Variants in CACNA1D observed in about 807,000 individuals in gnomAD.
The protein encoded by CACNA1D is voltage-dependent L-type calcium channel subunit alpha-1D.
Under a neutral mutation model 257.1 loss-of-function variants are expected in CACNA1D, and 55 were observed. The observed-to-expected ratio is 0.21, with a 90% CI of 0.17 to 0.27. The LOEUF (loss-of-function observed/expected upper bound fraction) is 0.27. Among genes scored for constraint, CACNA1D ranks in the 10% least tolerant of loss-of-function variants. The pLI, the probability that CACNA1D is intolerant of heterozygous loss-of-function variation, is 1.00. For synonymous variants in CACNA1D, 980 were observed against 1,014.9 expected (o/e 0.97, Z 0.65); for missense variants, 1,876 against 2,784.0 (o/e 0.67, Z 7.34).
At chr3:53,682,119 A>C (rs9856454) in intron 8 of CACNA1D, among the ~76,000 whole-genome samples, 2 of 152,134 alleles carry the variant, frequency 1.3e-5, no homozygotes, top group African/African-American at 4.8e-5. Flanking sequence ...GTGATATTCA[A>C]ATTTACATTT....
At chr3:53,690,805 C>T (rs2094512654) in intron 8 of CACNA1D, among the ~76,000 whole-genome samples, 1 of 152,216 alleles carries the variant, frequency 6.6e-6, no homozygotes. Context: ...CAGCCTCGAG[C>T]TTATTCTGGC....
rs552542815 is a variant in CACNA1D, at chr3:53,716,943, C to T, written c.1391-1358C>T. 2.6e-5 allele frequency among the ~76,000 whole-genome samples: 4 copies of T among 152,322 alleles called. No individual in the cohort carries two copies. In the South Asian group the frequency reaches 6.2e-4, roughly 24 times the overall value. The stretch of plus-strand genomic sequence containing the variant: ...GAAGTCTGCTATGAGCAAGGCGGGC[C>T]GAACACAGCCCCCTACGCGAGCTGC... On this transcript the variant is annotated intron_variant, in intron 9 of 47. Coordinates refer to ENST00000350061, the MANE Select transcript of CACNA1D (RefSeq NM_001128840.3).
intron 3 of CACNA1D, among the ~76,000 whole-genome samples, chr3:53,555,059 T>A (rs1170421685): frequency 6.6e-6 from 1 of 152,196 alleles, no homozygotes; most frequent in East Asian, 1.9e-4. Context: ...AGAATGAAGG[T>A]GAAAACTTGT....
At chr3:53,618,876 C>T (rs143744925) in intron 3 of CACNA1D, among the ~76,000 whole-genome samples, 10 of 152,270 alleles carry the variant, frequency 6.6e-5, no homozygotes, top group Non-Finnish European at 8.8e-5. Context: ...TGTGTGACCT[C>T]GGGCAAGTCA....
intron 4 of CACNA1D, among the ~76,000 whole-genome samples, chr3:53,654,443 G>A (rs1444689792): frequency 2.6e-5 from 4 of 152,166 alleles, no homozygotes; most frequent in Non-Finnish European, 4.4e-5. Context: ...TAGCCATATG[G>A]TCTTGTGATG....
chr3:53,527,935 T>C (rs1393111403), intron 3 of CACNA1D, among the ~76,000 whole-genome samples: 1 of 152,162 alleles, frequency 6.6e-6, no homozygotes, highest in Non-Finnish European at 1.5e-5. Flanking sequence ...TCTGGAATCA[T>C]TCTGAAATAT....
At chr3:53,758,883 A>G (rs1201853247) in intron 29 of CACNA1D, among the ~76,000 whole-genome samples, 1 of 152,140 alleles carries the variant, frequency 6.6e-6, no homozygotes, top group East Asian at 1.9e-4. Context: ...TTCTGGTTAC[A>G]AAGGCAATAT....
rs3774612 is a variant in CACNA1D at position 53,806,861 on chromosome 3, C to T, written c.5749+1715C>T. Among the ~76,000 whole-genome samples, 985 of 152,278 alleles carry T rather than the reference C, an allele frequency of 6.5e-3. 8 individuals carry two copies. The highest frequency in any genetic ancestry group is 0.024 in the East Asian group (123 of 5,176). ...TAGATGAAGCAGATGCAGGTGAGGC[C>T]GGGTGATGGCCCTCGCCCTTGTGAG... On this transcript the variant is annotated intron_variant, in intron 45 of 47. Coordinates refer to ENST00000350061, the MANE Select transcript of CACNA1D (RefSeq NM_001128840.3).
intron 3 of CACNA1D, among the ~76,000 whole-genome samples, chr3:53,542,152 A>G (rs544829955): frequency 1.3e-5 from 2 of 152,246 alleles, no homozygotes; most frequent in African/African-American, 2.4e-5. Flanking sequence ...TGGTATGTGA[A>G]TTATGTTTCA....
At chr3:53,715,473 A>G (rs1195618820) in intron 9 of CACNA1D, among the ~76,000 whole-genome samples, 1 of 152,058 alleles carries the variant, frequency 6.6e-6, no homozygotes, top group Non-Finnish European at 1.5e-5. Flanking sequence ...CTGTGCAATG[A>G]TGAAAGTGGC....
At chr3:53,740,565 G>A (rs2095106875) in intron 21 of CACNA1D, 2 of 454,016 alleles carry the variant, frequency 4.4e-6, no homozygotes, top group Non-Finnish European at 7.9e-6. Flanking sequence ...GATTTTTTAT[G>A]GGTTTTTTTT....
chr3:53,545,119 T>A (rs2107545583), intron 3 of CACNA1D, among the ~76,000 whole-genome samples: 1 of 152,346 alleles, frequency 6.6e-6, no homozygotes, highest in African/African-American at 2.4e-5. Flanking sequence ...CTTTAACTTT[T>A]TGGGCCTAGG....
intron 29 of CACNA1D, among the ~76,000 whole-genome samples, chr3:53,756,477 T>G (rs2095265832): frequency 6.6e-6 from 1 of 152,222 alleles, no homozygotes; most frequent in Non-Finnish European, 1.5e-5. Context: ...GGAAGGTAGT[T>G]AGGAGCCGAA....
At chr3:53,782,101 G>T (rs1282549731) in intron 39 of CACNA1D, among the ~76,000 whole-genome samples, 1 of 151,712 alleles carries the variant, frequency 6.6e-6, no homozygotes, top group East Asian at 1.9e-4. Flanking sequence ...TATCAAGACT[G>T]AATTTACTAC....
intron 2 of CACNA1D, 56 bp downstream of exon 2, chr3:53,497,517 A>G (rs955939748): frequency 3.8e-6 from 6 of 1,570,498 alleles, no homozygotes; most frequent in Non-Finnish European, 4.4e-6. Flanking sequence ...TCTGTTTTTT[A>G]AAAGGATTTG....
At position 53,702,818 on chromosome 3, in the gene CACNA1D, G is replaced by A; in HGVS notation, c.1390+8G>A. On this transcript the variant is annotated splice_region_variant and intron_variant, in intron 9 of 47. Coordinates refer to ENST00000350061, the MANE Select transcript of CACNA1D (RefSeq NM_001128840.3). ...AGGAAGGCAAACGAAATAGTATGTA[G>A]CGCCTTTCCTGCCCCTGGCTAGACA... 1 of 1,614,108 alleles carries A rather than the reference G, an allele frequency of 6.2e-7. No homozygotes were observed. The highest frequency in any genetic ancestry group is 1.1e-5 in the South Asian group (1 of 91,076).
At chr3:53,514,109 G>C (rs1221542706) in intron 3 of CACNA1D, among the ~76,000 whole-genome samples, 1 of 152,002 alleles carries the variant, frequency 6.6e-6, no homozygotes, top group East Asian at 1.9e-4. Context: ...AACCCACAAG[G>C]GAGATACTGT....
At chr3:53,631,647 T>C (rs2093823565) in intron 3 of CACNA1D, among the ~76,000 whole-genome samples, 1 of 152,210 alleles carries the variant, frequency 6.6e-6, no homozygotes, top group Admixed American at 6.5e-5. Flanking sequence ...TTTGCCCAGA[T>C]CTGTAAGAGG....
chr3:53,502,299 G>A (rs901359851), intron 3 of CACNA1D, among the ~76,000 whole-genome samples: 1 of 152,072 alleles, frequency 6.6e-6, no homozygotes, highest in African/African-American at 2.4e-5. Flanking sequence ...GAAAATGATT[G>A]TATGGTTAAA....
Sources: allele counts gnomAD v4.1 joint callset (sites outside exome capture counted in the v4.1 genomes callset), GRCh38; gene constraint gnomAD v4.1.1; transcripts MANE v1.5; gene names NCBI Gene and HGNC (gene_info 2026-07-23, HGNC 2026-07-21).